The following CCSER1 variants were observed in gnomAD, a reference collection of about 807,000 sequenced individuals.
CCSER1 encodes serine-rich coiled-coil domain-containing protein 1.
In CCSER1, 41 loss-of-function variants were observed where a neutral mutation model predicts 82.0. The ratio of observed to expected loss-of-function variants is 0.50; its 90% confidence interval spans 0.39 to 0.65. The LOEUF is 0.65. Ranked by LOEUF, CCSER1 falls within the 30% of genes least tolerant of loss-of-function variation. The probability of loss-of-function intolerance (pLI) is 0.00; values close to 1 mark genes in which losing one functional copy is unlikely to be tolerated. For missense variants in CCSER1, 1,119 were observed against 1,064.2 expected (o/e 1.05, Z -0.72); for synonymous variants, 414 against 383.9 (o/e 1.08, Z -0.92).
chr4:91,246,827 T>TACACACAC lies in CCSER1; in HGVS notation c.2217+160856_2217+160863dup, dbSNP rs34278711. On this transcript the variant is annotated intron_variant, in intron 10 of 10. Transcript: ENST00000509176. The stretch of plus-strand genomic sequence containing the variant: ...GGCATCTCATACACACATACACACA[T>TACACACAC]ACACACACACACACACACACACACA... Among the ~76,000 whole-genome samples the TACACACAC allele has an allele frequency of 6.9e-3, 990 of 144,152 alleles. 3 individuals carry two copies. The highest frequency in any genetic ancestry group is 0.014 in the African/African-American group (551 of 39,214). The allele number at this position is 144,152 out of a possible 152,430, so 94.6% of individuals were successfully genotyped here.
chr4:90,689,619 T>C (rs1402188382), intron 6 of CCSER1, among the ~76,000 whole-genome samples: 1 of 152,072 alleles, frequency 6.6e-6, no homozygotes, highest in Admixed American at 6.6e-5. Flanking sequence ...GTGGCGTAGA[T>C]TGGATACTCC....
intron 3 of CCSER1, among the ~76,000 whole-genome samples, chr4:90,354,476 A>C (rs1744064959): frequency 6.6e-6 from 1 of 152,166 alleles, no homozygotes; most frequent in Admixed American, 6.5e-5. Context: ...AGTATGTCTT[A>C]AGTGTTCTCA....
intron 8 of CCSER1, among the ~76,000 whole-genome samples, chr4:90,885,659 T>G (rs1722014841): frequency 6.6e-6 from 1 of 152,126 alleles, no homozygotes; most frequent in Non-Finnish European, 1.5e-5. Flanking sequence ...AAGATGACAA[T>G]GATAGGAGAT....
intron 10 of CCSER1, among the ~76,000 whole-genome samples, chr4:91,215,752 C>T (rs897671892): frequency 1.3e-4 from 20 of 152,160 alleles, no homozygotes; most frequent in African/African-American, 4.6e-4. Context: ...TACTTTGCAT[C>T]CTTCAATCCA....
At chr4:90,781,852 T>A (rs1753821652) in intron 7 of CCSER1, 2 of 938,110 alleles carry the variant, frequency 2.1e-6, no homozygotes, top group Admixed American at 6.2e-5. Flanking sequence ...GTGTTTTCTA[T>A]TTCAGTTTAT....
rs183650277 is a variant in CCSER1 at position 90,734,372 on chromosome 4, G to A, written c.2010+10381G>A. On this transcript the variant is annotated intron_variant, in intron 7 of 10. Coordinates refer to ENST00000509176, the MANE Select transcript of CCSER1 (RefSeq NM_001145065.2). The stretch of plus-strand genomic sequence containing the variant: ...GATCTCCTGACCTCGTGATCTGCCC[G>A]CCTTGGCCTCCCTAATCTGTAGATT... Among the ~76,000 whole-genome samples, 111 of 152,090 alleles carry A rather than the reference G, an allele frequency of 7.3e-4. 2 individuals carry two copies. The East Asian group carries it at 0.019, about 26-fold the overall frequency.
At chr4:91,022,482 G>A (rs1740084348) in intron 9 of CCSER1, among the ~76,000 whole-genome samples, 1 of 152,124 alleles carries the variant, frequency 6.6e-6, no homozygotes, top group Non-Finnish European at 1.5e-5. Context: ...ATGTGCATGT[G>A]TCTTTATAGC....
intron 1 of CCSER1, among the ~76,000 whole-genome samples, chr4:90,279,140 A>C (rs1431232995): frequency 6.6e-6 from 1 of 152,046 alleles, no homozygotes; most frequent in African/African-American, 2.4e-5. Context: ...CCACTAATTA[A>C]AGTTGGACTT....
intron 5 of CCSER1, among the ~76,000 whole-genome samples, chr4:90,555,545 A>G (rs2066523590): frequency 6.6e-6 from 1 of 152,108 alleles, no homozygotes; most frequent in Non-Finnish European, 1.5e-5. Context: ...GCTCTTCTCA[A>G]ATAACTCTTT....
chr4:90,436,956 G>A (rs990741696), intron 4 of CCSER1, among the ~76,000 whole-genome samples: 13 of 151,570 alleles, frequency 8.6e-5, no homozygotes, highest in Non-Finnish European at 1.6e-4. Flanking sequence ...ACAGCCTCCC[G>A]AGTGCTGGCA....
At chr4:90,373,948 A>C (rs1351828835) in intron 3 of CCSER1, among the ~76,000 whole-genome samples, 3 of 152,152 alleles carry the variant, frequency 2.0e-5, no homozygotes, top group Non-Finnish European at 4.4e-5. Context: ...GAGCTAGGGC[A>C]CTGAATTGGC....
chr4:90,456,115 T>C (rs962809617), intron 4 of CCSER1, among the ~76,000 whole-genome samples: 8 of 152,124 alleles, frequency 5.3e-5, no homozygotes, highest in African/African-American at 7.2e-5. Context: ...GTCCTGGGAA[T>C]TGGGGACCTG....
intron 10 of CCSER1, among the ~76,000 whole-genome samples, chr4:91,597,824 A>G (rs184066446): frequency 1.3e-5 from 2 of 152,156 alleles, no homozygotes; most frequent in Admixed American, 1.3e-4. Flanking sequence ...GTGTTTTTCT[A>G]CACAAACATA....
intron 10 of CCSER1, among the ~76,000 whole-genome samples, chr4:91,289,796 G>T (rs1026227772): frequency 2.0e-5 from 3 of 151,920 alleles, no homozygotes; most frequent in African/African-American, 7.2e-5. Context: ...CAATAAAGAA[G>T]AAATGTTTGA....
chr4:91,306,847 A>G (rs1745103313), intron 10 of CCSER1, among the ~76,000 whole-genome samples: 1 of 152,042 alleles, frequency 6.6e-6, no homozygotes, highest in South Asian at 2.1e-4. Flanking sequence ...ACTTTTAGTT[A>G]GGCAAGTCAT....
chr4:90,593,661 C>G (rs1782971710), intron 5 of CCSER1, among the ~76,000 whole-genome samples: 1 of 135,890 alleles, frequency 7.4e-6, no homozygotes, highest in Admixed American at 7.0e-5. Flanking sequence ...AATCATTAGC[C>G]CTTTTGCACT....
chr4:90,574,501 C>T (rs1780508096), intron 5 of CCSER1, among the ~76,000 whole-genome samples: 1 of 151,314 alleles, frequency 6.6e-6, no homozygotes, highest in African/African-American at 2.4e-5. Flanking sequence ...ATCTCCTGAC[C>T]TCATGATCCA....
At chr4:91,102,355 A>G (rs1166160021) in intron 10 of CCSER1, among the ~76,000 whole-genome samples, 2 of 152,192 alleles carry the variant, frequency 1.3e-5, no homozygotes, top group African/African-American at 4.8e-5. Context: ...GATTAGGCAG[A>G]TTTTATGACA....
chr4:90,777,386 C>T (rs952711514), intron 7 of CCSER1, among the ~76,000 whole-genome samples: 8 of 143,588 alleles, frequency 5.6e-5, no homozygotes, highest in East Asian at 2.0e-4. Flanking sequence ...AGCCTGTAAG[C>T]GTAACTTATT....
Sources: gnomAD v4.1 joint callset for allele counts (sites outside exome capture counted in the v4.1 genomes callset) on GRCh38, gnomAD v4.1.1 for gene constraint, MANE v1.5 for transcripts, NCBI Gene and HGNC (gene_info 2026-07-23, HGNC 2026-07-21) for gene names.